TANC2: variants seen among roughly 807,000 people sequenced by gnomAD.
TANC2 encodes the protein protein TANC2.
Under a neutral mutation model 210.5 loss-of-function variants are expected in TANC2, and 26 were observed. That is an observed-to-expected ratio of 0.12 (90% confidence interval 0.09 to 0.17). The LOEUF is 0.17. Among genes scored for constraint, TANC2 ranks in the 10% least tolerant of loss-of-function variants. The pLI is 1.00. For missense variants in TANC2, 2,129 were observed against 2,608.9 expected (o/e 0.82, Z 4.01); for synonymous variants, 931 against 967.1 (o/e 0.96, Z 0.69).
chr17:63,311,808 A>G (rs527310118), intron 9 of TANC2, among the ~76,000 whole-genome samples: 6 of 152,346 alleles, frequency 3.9e-5, no homozygotes, highest in Admixed American at 3.3e-4. Flanking sequence ...GTAATGAATA[A>G]TATTAAGCCA....
At chr17:63,294,203 C>T (rs542304680) in intron 9 of TANC2, among the ~76,000 whole-genome samples, 1 of 152,128 alleles carries the variant, frequency 6.6e-6, no homozygotes, top group Non-Finnish European at 1.5e-5. Context: ...CTAGGCCAGG[C>T]GTGTTGGCTC....
chr17:62,981,945 A>G (rs1478176103), intron 1 of TANC2, among the ~76,000 whole-genome samples: 2 of 151,802 alleles, frequency 1.3e-5, no homozygotes, highest in Non-Finnish European at 2.9e-5. Context: ...GAGTCAGGAT[A>G]CATCACCCTC....
At chr17:63,326,715 G>T (rs1297926559) in intron 11 of TANC2, among the ~76,000 whole-genome samples, 1 of 151,874 alleles carries the variant, frequency 6.6e-6, no homozygotes, top group Non-Finnish European at 1.5e-5. Context: ...GGGTGATAGA[G>T]TGAGACTGTC....
At chr17:63,330,647 T>C (rs1479136667) in intron 11 of TANC2, among the ~76,000 whole-genome samples, 2 of 152,196 alleles carry the variant, frequency 1.3e-5, no homozygotes, top group East Asian at 3.8e-4. Context: ...TAATTGCTGT[T>C]TTCCAGACTG....
intron 5 of TANC2, among the ~76,000 whole-genome samples, chr17:63,163,318 G>A (rs144460507): frequency 1.3e-5 from 2 of 152,276 alleles, no homozygotes; most frequent in Middle Eastern, 3.4e-3. Context: ...GAGGATTGGG[G>A]AATGAGATCA....
At chr17:63,258,137 A>G (rs2043252973) in intron 8 of TANC2, among the ~76,000 whole-genome samples, 1 of 152,088 alleles carries the variant, frequency 6.6e-6, no homozygotes, top group African/African-American at 2.4e-5. Context: ...CTATTCTACC[A>G]TAGAATTTTT....
intron 7 of TANC2, among the ~76,000 whole-genome samples, chr17:63,207,846 A>G (rs780398720): frequency 5.3e-5 from 8 of 152,222 alleles, no homozygotes; most frequent in Non-Finnish European, 1.0e-4. Flanking sequence ...GCCACTAGCA[A>G]TATACTATAA....
Position 63,108,652 on chromosome 17 carries a change from T to C in TANC2, c.322+9295T>C, listed in dbSNP as rs534532872. On this transcript the variant is annotated intron_variant, in intron 4 of 27. Transcript: ENST00000689528. Reference sequence around the variant, plus strand: ...GGTGAAACTCCATCTCTACTAAAAATACAAAAATCAGCTGGGTGTGGTGTC... The same window carrying C: ...GGTGAAACTCCATCTCTACTAAAAACACAAAAATCAGCTGGGTGTGGTGTC... 4.6e-5 allele frequency among the ~76,000 whole-genome samples: 7 copies of C among 151,380 alleles called. No individual in the cohort carries two copies. The East Asian group carries it at 1.4e-3, about 29-fold the overall frequency.
chr17:63,174,072 T>A (rs1342878298), intron 5 of TANC2, among the ~76,000 whole-genome samples: 2 of 152,332 alleles, frequency 1.3e-5, no homozygotes, highest in African/African-American at 4.8e-5. Context: ...ATGAACTTCA[T>A]GACAGCTGCC....
chr17:63,367,369 C>T (rs938417437), intron 14 of TANC2, among the ~76,000 whole-genome samples: 11 of 152,304 alleles, frequency 7.2e-5, no homozygotes, highest in Non-Finnish European at 1.3e-4. Context: ...AACATAAATT[C>T]GTACACTTTC....
intron 14 of TANC2, among the ~76,000 whole-genome samples, chr17:63,373,659 A>G (rs1313728753): frequency 6.6e-6 from 1 of 152,226 alleles, no homozygotes; most frequent in Non-Finnish European, 1.5e-5. Context: ...TACCTATGGT[A>G]TAATGATTTT....
At chr17:63,387,603 T>C (rs1055740026) in intron 15 of TANC2, among the ~76,000 whole-genome samples, 2 of 152,262 alleles carry the variant, frequency 1.3e-5, no homozygotes, top group African/African-American at 4.8e-5. Flanking sequence ...CCTATATCTC[T>C]TATTACAACC....
At chr17:63,014,563 T>A (rs555930155) in intron 2 of TANC2, among the ~76,000 whole-genome samples, 1 of 152,342 alleles carries the variant, frequency 6.6e-6, no homozygotes, top group South Asian at 2.1e-4. Flanking sequence ...TTCTCTGAAC[T>A]AATTTTTCCG....
intron 2 of TANC2, among the ~76,000 whole-genome samples, chr17:63,010,574 C>G (rs1397953710): frequency 6.6e-6 from 1 of 152,086 alleles, no homozygotes; most frequent in Middle Eastern, 3.4e-3. Context: ...AGCACAGACC[C>G]TATGGGTTAT....
At chr17:63,022,381 A>G (rs1006099292) in intron 2 of TANC2, among the ~76,000 whole-genome samples, 8 of 151,506 alleles carry the variant, frequency 5.3e-5, no homozygotes, top group Non-Finnish European at 1.0e-4. Flanking sequence ...TTTCTGGTGG[A>G]AGAAATCTAA....
exon 28 of TANC2, chr17:63,427,053 T>G (rs1271151853): frequency 6.6e-6 from 1 of 152,266 alleles, no homozygotes; most frequent in African/African-American, 2.4e-5. Context: ...TCCTGTAAGT[T>G]ACACTTCCTG....
intron 10 of TANC2, 106 bp from the exon 11 acceptor site, chr17:63,318,851 T>C: frequency 3.8e-6 from 5 of 1,308,720 alleles, no homozygotes; most frequent in Non-Finnish European, 5.4e-6. Flanking sequence ...CTTAAGTATA[T>C]ACTTAGGAGC....
intron 1 of TANC2, among the ~76,000 whole-genome samples, chr17:62,977,392 G>A (rs2032067705): frequency 6.6e-6 from 1 of 152,154 alleles, no homozygotes; most frequent in African/African-American, 2.4e-5. Flanking sequence ...AGTTCATCCT[G>A]AAGACATTTC....
In TANC2 at chr17:63,014,694, A is replaced by G. The variant is rs755980561; in HGVS notation, c.67+5068A>G. Among the ~76,000 whole-genome samples the G allele has an allele frequency of 1.4e-4, 22 of 152,310 alleles. No homozygotes were observed. The Middle Eastern group carries it at 0.017, about 118-fold the overall frequency. On this transcript the variant is annotated intron_variant, in intron 2 of 27. Transcript: ENST00000689528. ...TTACATACTAGACTTTTGAATAACT[A>G]CTGTGTTAGTAGAAATTATATTATT...
Sources: gnomAD v4.1 joint callset for allele counts (sites outside exome capture counted in the v4.1 genomes callset) on GRCh38, gnomAD v4.1.1 for gene constraint, MANE v1.5 for transcripts, NCBI Gene and HGNC (gene_info 2026-07-23, HGNC 2026-07-21) for gene names.